PPARGC1A: variants seen among roughly 807,000 people sequenced by gnomAD.
PPARGC1A encodes peroxisome proliferator-activated receptor gamma coactivator 1-alpha.
A neutral mutation model predicts 88.7 loss-of-function variants in PPARGC1A; 25 were observed. The observed-to-expected ratio is 0.28, with a 90% CI of 0.21 to 0.39. PPARGC1A has a LOEUF of 0.39. PPARGC1A is among the 10% of genes least tolerant of loss of function. PPARGC1A has a pLI of 1.00. For synonymous variants in PPARGC1A, 363 were observed against 355.6 expected, an observed-to-expected ratio of 1.02 and a Z score of -0.24; for missense variants, 880 against 968.7, an observed-to-expected ratio of 0.91 and a Z score of 1.22.
At chr4:24,167,216 T>C in the PPARGC1A span, among the ~76,000 whole-genome samples, 2 of 152,104 alleles carry the variant, frequency 1.3e-5, no homozygotes, top group Non-Finnish European at 2.9e-5. Context: ...GAAGAAACCA[T>C]AGATGTGGTA....
the PPARGC1A span, among the ~76,000 whole-genome samples, chr4:24,414,617 A>G: frequency 6.6e-6 from 1 of 152,096 alleles, no homozygotes; most frequent in African/African-American, 2.4e-5. Context: ...CCCCAACCAT[A>G]GACATTCTGA....
chr4:23,849,440 A>G (rs527523379), intron 2 of PPARGC1A, among the ~76,000 whole-genome samples: 2 of 152,336 alleles, frequency 1.3e-5, no homozygotes, highest in South Asian at 4.1e-4. Context: ...TGACTATCGC[A>G]TAGCTGATAA....
the PPARGC1A span, among the ~76,000 whole-genome samples, chr4:24,166,127 T>C: frequency 2.0e-5 from 3 of 152,326 alleles, no homozygotes; most frequent in East Asian, 5.8e-4. Context: ...GGAGAAAGTT[T>C]GAGTGGCCTA....
At chr4:24,098,657 T>C in the PPARGC1A span, among the ~76,000 whole-genome samples, 1 of 152,198 alleles carries the variant, frequency 6.6e-6, no homozygotes, top group South Asian at 2.1e-4. Context: ...ATATTTTGTA[T>C]GAATCTGAGC....
the PPARGC1A span, among the ~76,000 whole-genome samples, chr4:24,464,589 A>T: frequency 6.6e-6 from 1 of 152,154 alleles, no homozygotes; most frequent in African/African-American, 2.4e-5. Flanking sequence ...TCTTTCAGGC[A>T]AGAGATTACA....
the PPARGC1A span, among the ~76,000 whole-genome samples, chr4:23,969,981 G>T: frequency 0.41 from 61,949 of 151,904 alleles, 13,056 homozygotes; most frequent in East Asian, 0.68. Flanking sequence ...TATCCAACAT[G>T]CCAAAAGCAA....
the PPARGC1A span, among the ~76,000 whole-genome samples, chr4:24,210,481 TCAGGAATTTCAA>T: frequency 6.6e-6 from 1 of 152,322 alleles, no homozygotes; most frequent in East Asian, 1.9e-4. Flanking sequence ...TATTGCAAAA[TCAGGAATTTCAA>T]CAGTGATCTA....
At chr4:24,010,298 G>A in the PPARGC1A span, among the ~76,000 whole-genome samples, 2 of 151,996 alleles carry the variant, frequency 1.3e-5, no homozygotes, top group Admixed American at 1.3e-4. Flanking sequence ...ACAATAGACC[G>A]CTCAATAGAC....
chr4:24,352,515 T>A, the PPARGC1A span, among the ~76,000 whole-genome samples: 3 of 152,210 alleles, frequency 2.0e-5, no homozygotes, highest in South Asian at 6.2e-4. Context: ...CATCCCCACA[T>A]CTCAGGGATG....
chr4:24,052,130 G>A, the PPARGC1A span, among the ~76,000 whole-genome samples: 1 of 152,126 alleles, frequency 6.6e-6, no homozygotes, highest in Admixed American at 6.5e-5. Flanking sequence ...TTCTGAGGCT[G>A]GTGACCACTA....
At chr4:23,943,580 T>C in the PPARGC1A span, among the ~76,000 whole-genome samples, 1 of 152,148 alleles carries the variant, frequency 6.6e-6, no homozygotes, top group Non-Finnish European at 1.5e-5. Context: ...GGAACATCCA[T>C]GCAATGTGGA....
chr4:24,384,008 T>G, the PPARGC1A span, among the ~76,000 whole-genome samples: 39 of 152,152 alleles, frequency 2.6e-4, no homozygotes, highest in African/African-American at 9.2e-4. Flanking sequence ...TAGAAGCCCA[T>G]CAGACTAACA....
the PPARGC1A span, among the ~76,000 whole-genome samples, chr4:24,215,837 G>C: frequency 5.3e-5 from 8 of 152,166 alleles, no homozygotes; most frequent in Admixed American, 3.9e-4. Context: ...CATACCTTGG[G>C]ATACGGCTGT....
chr4:24,317,782 C>T, the PPARGC1A span, among the ~76,000 whole-genome samples: 1 of 151,972 alleles, frequency 6.6e-6, no homozygotes, highest in Non-Finnish European at 1.5e-5. Context: ...AGAATAAATT[C>T]CACAGCAAGG....
intron 2 of PPARGC1A, among the ~76,000 whole-genome samples, chr4:23,848,638 T>A (rs1728724606): frequency 6.6e-6 from 1 of 152,196 alleles, no homozygotes; most frequent in Non-Finnish European, 1.5e-5. Flanking sequence ...GCTGCTCAAT[T>A]TGTCCCCGGA....
chr4:24,454,580 AT>A, the PPARGC1A span, among the ~76,000 whole-genome samples: 4 of 131,276 alleles, frequency 3.0e-5, no homozygotes, highest in South Asian at 2.4e-4. Flanking sequence ...TACAAAAAAA[AT>A]TTTTTAAATA....
At chr4:24,014,996 G>A in the PPARGC1A span, among the ~76,000 whole-genome samples, 68 of 152,154 alleles carry the variant, frequency 4.5e-4, 1 homozygote, top group Non-Finnish European at 7.4e-5. Flanking sequence ...CGAGAGCAAT[G>A]TTGCAATTCT....
chr4:23,993,124 C>A, the PPARGC1A span, among the ~76,000 whole-genome samples: 37 of 152,030 alleles, frequency 2.4e-4, no homozygotes, highest in Non-Finnish European at 4.1e-4. Context: ...AAACTCTGTG[C>A]ACATAGTAAT....
the PPARGC1A span, among the ~76,000 whole-genome samples, chr4:24,166,646 A>G: frequency 6.6e-6 from 1 of 152,202 alleles, no homozygotes; most frequent in Non-Finnish European, 1.5e-5. Context: ...TAATGAGGTA[A>G]GCAACTCAGA....
Sources: allele counts gnomAD v4.1 joint callset (sites outside exome capture counted in the v4.1 genomes callset), GRCh38; gene constraint gnomAD v4.1.1; transcripts MANE v1.5; gene names NCBI Gene and HGNC (gene_info 2026-07-23, HGNC 2026-07-21).